The following ZNF189 variants were observed in gnomAD, a reference collection of about 807,000 sequenced individuals.
ZNF189 encodes zinc finger protein 189.
A neutral mutation model predicts 53.5 loss-of-function variants in ZNF189; 33 were observed. The ratio of observed to expected loss-of-function variants is 0.62; its 90% confidence interval spans 0.47 to 0.82. The LOEUF is 0.82. Ranked by LOEUF, ZNF189 falls within the 40% of genes least tolerant of loss-of-function variation. ZNF189 has a pLI of 0.00. For synonymous variants in ZNF189, 247 were observed against 238.8 expected, an observed-to-expected ratio of 1.03 and a Z score of -0.32; for missense variants, 711 against 753.9, an observed-to-expected ratio of 0.94 and a Z score of 0.67.
At position 101,408,329 on chromosome 9, in the gene ZNF189, C is replaced by T. The variant is rs1830795198; in HGVS notation, c.561C>T (p.Arg187=). ...QCNECGKSFS[R]SSFVIEHQRI... ...ATGAATGTGGGAAAAGTTTTAGTCG[C>T]AGTTCATTTGTTATTGAACATCAGA... The change falls in exon 3 of 3, where the codon CGC becomes CGT. Residue 187 remains arginine (R), a synonymous_variant. Transcript: ENST00000339664. The T allele has an allele frequency of 6.2e-7, 1 of 1,613,908 alleles. No individual in the cohort carries two copies. The highest frequency in any genetic ancestry group is 1.3e-5 in the African/African-American group (1 of 74,894).
rs560281871 is a variant in ZNF189, at chr9:101,401,790, A to C, written c.160+1780A>C. 6.6e-5 allele frequency among the ~76,000 whole-genome samples: 10 copies of C among 152,304 alleles called. 1 individual carries two copies. Among genetic ancestry groups the C allele is most frequent in the African/African-American group, 2.4e-4 (10 of 41,558 alleles). On this transcript the variant is annotated intron_variant, in intron 2 of 2. Coordinates refer to ENST00000339664, the MANE Select transcript of ZNF189 (RefSeq NM_003452.4). ...CCTTATTTTAGTCTACCTCTCTATG[A>C]ATATGTGAAACTCTTTATTGTTTCC...
chr9:101,399,497 T>C (rs1285098101), intron 1 of ZNF189: 3 of 1,292,292 alleles, frequency 2.3e-6, no homozygotes, highest in Non-Finnish European at 2.9e-6. Context: ...TTCCCTTGTG[T>C]CTTCTGTTCC....
At chr9:101,403,582 C>G (rs894286390) in intron 2 of ZNF189, among the ~76,000 whole-genome samples, 1 of 152,202 alleles carries the variant, frequency 6.6e-6, no homozygotes, top group Admixed American at 6.5e-5. Context: ...ATCGATGATA[C>G]AGTTGATAGC....
In ZNF189 at chr9:101,408,696, C is replaced by G. The variant is rs1461467232; in HGVS notation, c.928C>G (p.His310Asp). Residue 310 changes from histidine (H) to aspartate (D), a missense_variant, in exon 3 of 3, where the codon CAC becomes GAC. Physicochemically the swap from His to Asp is moderately conservative, Grantham distance 81. Transcript: ENST00000339664. The part of the protein sequence containing the change: ...NSLLVEHQRI[H>D]TGERPHKCGE... The stretch of plus-strand genomic sequence containing the variant: ...ATTGCTTGTTGAGCATCAAAGAATT[C>G]ACACTGGGGAAAGACCCCATAAATG... The G allele has an allele frequency of 2.5e-6, 4 of 1,614,080 alleles. No homozygotes were observed. Among genetic ancestry groups the G allele is most frequent in the Non-Finnish European group, 3.4e-6 (4 of 1,180,038 alleles).
At chr9:101,405,230 GTAGA>G (rs1830669183) in intron 2 of ZNF189, among the ~76,000 whole-genome samples, 2 of 152,208 alleles carry the variant, frequency 1.3e-5, no homozygotes, top group Non-Finnish European at 2.9e-5. Flanking sequence ...GATGACTTGA[GTAGA>G]ATTCTGTTTT....
At position 101,398,953 on chromosome 9, in the gene ZNF189, G is replaced by T; in HGVS notation, c.-204G>T. ...TAACCAGGCAGGAGTAGGGGTTGGG[G>T]TTCGGGGTTGGGGGACAGCCAGGGA... On this transcript the variant is annotated 5_prime_UTR_variant, in exon 1 of 3. Transcript: ENST00000339664. The T allele has an allele frequency of 1.6e-6, 1 of 628,312 alleles. No individual in the cohort carries two copies. Among genetic ancestry groups the T allele is most frequent in the Admixed American group, 2.5e-5 (1 of 40,678 alleles). 38.9% of individuals were successfully genotyped at this position (628,312 alleles called of 1,614,324 possible).
At chr9:101,403,098 A>ATGTGTGTGTG (rs3983733) in intron 2 of ZNF189, among the ~76,000 whole-genome samples, 14,086 of 148,548 alleles carry the variant, frequency 0.095, 928 homozygotes, top group African/African-American at 0.19. Flanking sequence ...AGCTGCTGAT[A>ATGTGTGTGTG]TGTGTGTGTG....
At chr9:101,406,851 TG>T (rs1749125443) in intron 2 of ZNF189, among the ~76,000 whole-genome samples, 2 of 152,226 alleles carry the variant, frequency 1.3e-5, no homozygotes, top group Non-Finnish European at 2.9e-5. Flanking sequence ...CATAGACCAC[TG>T]TGCTGTCTTT....
At chr9:101,404,932 G>A (rs1177954864) in intron 2 of ZNF189, among the ~76,000 whole-genome samples, 1 of 152,174 alleles carries the variant, frequency 6.6e-6, no homozygotes, top group East Asian at 1.9e-4. Flanking sequence ...TCTGTCTAGT[G>A]GACTTAGTAA....
intron 2 of ZNF189, among the ~76,000 whole-genome samples, chr9:101,403,965 C>T (rs1830624606): frequency 6.6e-6 from 1 of 152,174 alleles, no homozygotes; most frequent in East Asian, 1.9e-4. Flanking sequence ...CTTTTGGCTT[C>T]TGGTTTGATA....
rs774008199 is a variant in ZNF189 at position 101,408,637 on chromosome 9, G to A, written c.869G>A (p.Cys290Tyr). The change falls in exon 3 of 3, where the codon TGT becomes TAT. Residue 290 changes from cysteine to tyrosine, a missense_variant. By Grantham distance (194) the Cys-to-Tyr change is radical (BLOSUM62 -2). Coordinates refer to ENST00000339664, the MANE Select transcript of ZNF189 (RefSeq NM_003452.4). ...CACACTGGTGAGAAACCTTATCACT[G>A]TACCAAATGTAAGAAGAGCTTTAGT... ...RTHTGEKPYH[C>Y]TKCKKSFSRN... 14 of 1,614,058 alleles carry A rather than the reference G, an allele frequency of 8.7e-6. No individual in the cohort carries two copies. Among genetic ancestry groups the A allele is most frequent in the Non-Finnish European group, 1.2e-5 (14 of 1,180,014 alleles).
chr9:101,402,195 C>T (rs1281392683), intron 2 of ZNF189, among the ~76,000 whole-genome samples: 1 of 152,326 alleles, frequency 6.6e-6, no homozygotes, highest in South Asian at 2.1e-4. Context: ...GGATTACAGG[C>T]GTGAGCCACC....
In ZNF189 at chr9:101,409,792, G is replaced by A; in HGVS notation, c.*143G>A. The A allele has an allele frequency of 1.1e-6, 1 of 890,458 alleles. No individual in the cohort carries two copies. Among genetic ancestry groups the A allele is most frequent in the East Asian group, 2.7e-5 (1 of 36,978 alleles). 55.2% of individuals were successfully genotyped at this position (890,458 alleles called of 1,614,324 possible). ...ATAGTTTCTAAAGATTCTGTGAATAGTGGACAACTGCCCATGAGCATTTGA... is the reference window on the plus strand; with the variant it reads ...ATAGTTTCTAAAGATTCTGTGAATAATGGACAACTGCCCATGAGCATTTGA... On this transcript the variant is annotated 3_prime_UTR_variant, in exon 3 of 3. Transcript: ENST00000339664.
intron 2 of ZNF189, chr9:101,407,333 T>C (rs888869145): frequency 5.0e-6 from 2 of 397,184 alleles, no homozygotes; most frequent in Non-Finnish European, 8.9e-6. Flanking sequence ...AATGAATGAA[T>C]TATTGTTTCC....
rs1236492845 is a variant in ZNF189, at chr9:101,398,963, G to A, written c.-194G>A. 1.5e-6 allele frequency: 1 copy of A among 676,738 alleles called. No homozygotes were observed. The highest frequency in any genetic ancestry group is 2.7e-6 in the Non-Finnish European group (1 of 369,420). 41.9% of individuals were successfully genotyped at this position (676,738 alleles called of 1,614,324 possible). ...GGAGTAGGGGTTGGGGTTCGGGGTT[G>A]GGGGACAGCCAGGGATCGCGTCTGA... is the stretch of plus-strand genomic sequence containing the variant. On this transcript the variant is annotated 5_prime_UTR_variant, in exon 1 of 3. Transcript: ENST00000339664.
intron 2 of ZNF189, among the ~76,000 whole-genome samples, chr9:101,403,672 G>C (rs957635255): frequency 6.6e-6 from 1 of 152,146 alleles, no homozygotes; most frequent in African/African-American, 2.4e-5. Flanking sequence ...TTATTACTGT[G>C]TCTTCACATG....
At chr9:101,402,439 G>A (rs1830570915) in intron 2 of ZNF189, among the ~76,000 whole-genome samples, 1 of 152,188 alleles carries the variant, frequency 6.6e-6, no homozygotes, top group East Asian at 1.9e-4. Flanking sequence ...CTAACATGTA[G>A]TTAAGAACAA....
intron 2 of ZNF189, 88 bp downstream of exon 2, chr9:101,400,098 A>G (rs1830479311): frequency 6.6e-7 from 1 of 1,504,624 alleles, no homozygotes; most frequent in Non-Finnish European, 9.0e-7. Flanking sequence ...AACCAGTACC[A>G]AAACTGCTTT....
chr9:101,400,834 T>G (rs1056943170), intron 2 of ZNF189, among the ~76,000 whole-genome samples: 10 of 152,228 alleles, frequency 6.6e-5, no homozygotes, highest in African/African-American at 2.4e-4. Flanking sequence ...GTTTATTGAC[T>G]GTGACTAGAC....
Sources: gnomAD v4.1 joint callset for allele counts (sites outside exome capture counted in the v4.1 genomes callset) on GRCh38, gnomAD v4.1.1 for gene constraint, MANE v1.5 for transcripts, NCBI Gene and HGNC (gene_info 2026-07-23, HGNC 2026-07-21) for gene names.